The following COL22A1 variants were observed in gnomAD, a reference collection of about 807,000 sequenced individuals.
The protein encoded by COL22A1 is collagen alpha-1(XXII) chain.
In COL22A1, 221 loss-of-function variants were observed where a neutral mutation model predicts 248.9. The ratio of observed to expected loss-of-function variants is 0.89; its 90% CI spans 0.80 to 0.99. COL22A1 has a LOEUF of 0.99. Among genes scored for constraint, COL22A1 ranks in the 50% least tolerant of loss-of-function variants. The pLI, the probability that COL22A1 is intolerant of heterozygous loss-of-function variation, is 0.00. For synonymous variants in COL22A1, 891 were observed against 793.4 expected, an observed-to-expected ratio of 1.12 and a Z score of -2.07; for missense variants, 2,240 against 2,179.0, an observed-to-expected ratio of 1.03 and a Z score of -0.56.
At chr8:138,906,525 A>C (rs1451816036) in intron 1 of COL22A1, among the ~76,000 whole-genome samples, 2 of 152,208 alleles carry the variant, frequency 1.3e-5, no homozygotes, top group African/African-American at 4.8e-5. Flanking sequence ...AATGAGTTGA[A>C]GTGTCTCAAC....
intron 49 of COL22A1, among the ~76,000 whole-genome samples, chr8:138,634,024 T>C (rs1473993019): frequency 6.6e-6 from 1 of 152,192 alleles, no homozygotes; most frequent in Non-Finnish European, 1.5e-5. Flanking sequence ...TGTAGATAAT[T>C]TACCTTTTTG....
At position 138,721,940 on chromosome 8, in the gene COL22A1, C is replaced by A. The variant is rs182977021; in HGVS notation, c.2301+96G>T. ...ACTGAATCCTGATCGAAGACCCAGG[C>A]AATTGACTTGTTGTAGAATTCACCA... is the stretch of plus-strand genomic sequence containing the variant. On this transcript the variant is annotated intron_variant, in intron 26 of 64. Coordinates refer to ENST00000303045, the MANE Select transcript of COL22A1 (RefSeq NM_152888.3). 593 of 954,066 alleles carry A rather than the reference C, an allele frequency of 6.2e-4. 11 individuals are homozygous for A. The East Asian group carries it at 0.01, about 17-fold the overall frequency. The allele number at this position is 954,066 out of a possible 1,614,324, so 59.1% of individuals were successfully genotyped here.
chr8:138,596,966 T>G lies in COL22A1; in HGVS notation c.4370A>C (p.Glu1457Ala). 1.2e-6 allele frequency: 2 copies of G among 1,613,242 alleles called. No homozygotes were observed. The highest frequency in any genetic ancestry group is 1.7e-6 in the Non-Finnish European group (2 of 1,179,466). ...ACGCAGGGTTTCCATGGATGGAGAC[T>G]CCCCCTAGGAGGGAGGGAAGGTGGA... Reference protein sequence around the residue: ...GQPGFPGLRGESPSMETLRRL... With the variant: ...GQPGFPGLRGASPSMETLRRL... Residue 1457 changes from glutamate to alanine, a missense_variant, in exon 62 of 65, where the codon GAG (glutamate) becomes GCG (alanine). Physicochemically the swap from Glu to Ala is moderately radical, Grantham distance 107. Coordinates refer to ENST00000303045, the MANE Select transcript of COL22A1 (RefSeq NM_152888.3).
chr8:138,676,929 T>C (rs1409548436), intron 40 of COL22A1, among the ~76,000 whole-genome samples: 2 of 152,220 alleles, frequency 1.3e-5, no homozygotes, highest in African/African-American at 4.8e-5. Context: ...ATGTGAGCAT[T>C]GTCCAAATCT....
At chr8:138,739,772 G>A (rs1353529242) in intron 22 of COL22A1, among the ~76,000 whole-genome samples, 1 of 152,198 alleles carries the variant, frequency 6.6e-6, no homozygotes, top group Non-Finnish European at 1.5e-5. Flanking sequence ...ATATCAGGGA[G>A]GAAGGGAAGA....
At chr8:138,748,130 C>T (rs551158947) in intron 22 of COL22A1, among the ~76,000 whole-genome samples, 3 of 152,290 alleles carry the variant, frequency 2.0e-5, no homozygotes, top group East Asian at 3.9e-4. Flanking sequence ...AACTCACTCA[C>T]TCCTGCAAGG....
intron 10 of COL22A1, among the ~76,000 whole-genome samples, chr8:138,805,933 T>G (rs60080804): frequency 1.4e-5 from 2 of 138,956 alleles, no homozygotes; most frequent in African/African-American, 5.9e-5. Flanking sequence ...GGTGTGTGAC[T>G]GTGTGTGTGA....
At chr8:138,716,911 T>G (rs771639692) in intron 27 of COL22A1, 42 bp from the exon 28 acceptor site, 7 of 1,452,448 alleles carry the variant, frequency 4.8e-6, no homozygotes, top group Non-Finnish European at 6.8e-6. Flanking sequence ...CTCCATTCAC[T>G]TTAAAGAGAT....
intron 28 of COL22A1, 80 bp from the exon 29 acceptor site, chr8:138,716,369 C>A: frequency 3.1e-6 from 3 of 959,374 alleles, no homozygotes; most frequent in South Asian, 3.1e-5. Context: ...GCTCTCAGTT[C>A]CTGCTCTCCA....
intron 1 of COL22A1, among the ~76,000 whole-genome samples, chr8:138,909,810 C>T (rs1163570901): frequency 6.6e-6 from 1 of 152,170 alleles, no homozygotes; most frequent in African/African-American, 2.4e-5. Context: ...CCAGGACTTC[C>T]CTTTGCTTGT....
At chr8:138,630,492 T>G (rs1435866234) in intron 50 of COL22A1, among the ~76,000 whole-genome samples, 12 of 152,162 alleles carry the variant, frequency 7.9e-5, no homozygotes, top group Admixed American at 7.9e-4. Flanking sequence ...CAACCAAACC[T>G]TTACTTTAGC....
intron 40 of COL22A1, 24 bp downstream of exon 40, chr8:138,679,593 A>G: frequency 1.2e-6 from 2 of 1,609,472 alleles, no homozygotes; most frequent in Non-Finnish European, 1.7e-6. Flanking sequence ...CTTTTTGCAA[A>G]TGTTTGCATA....
rs146348622 is a variant in COL22A1 at position 138,653,373 on chromosome 8, G to A, written c.3333+2524C>T. 2.1e-3 allele frequency among the ~76,000 whole-genome samples: 320 copies of A among 152,222 alleles called. 1 individual carries two copies. Among genetic ancestry groups the A allele is most frequent in the African/African-American group, 6.5e-3 (270 of 41,544 alleles). ...GTTCTGGCTCACGTAAAGATGAATC[G>A]GATAGTAGAGAGGCTACGCGTAAGG... On this transcript the variant is annotated intron_variant, in intron 45 of 64. Transcript: ENST00000303045.
chr8:138,684,959 G>A (rs1480448314), intron 38 of COL22A1, among the ~76,000 whole-genome samples: 3 of 152,166 alleles, frequency 2.0e-5, no homozygotes, highest in Non-Finnish European at 4.4e-5. Context: ...GTCTCTCCAT[G>A]AGATGGGAGC....
At chr8:138,832,952 G>A (rs1820163152) in intron 5 of COL22A1, 87 bp downstream of exon 5, 2 of 871,460 alleles carry the variant, frequency 2.3e-6, no homozygotes, top group Admixed American at 1.9e-5. Flanking sequence ...CCGGCTCGGT[G>A]CCAAGTATGA....
chr8:138,733,959 C>G lies in COL22A1; in HGVS notation c.2139+3565G>C, dbSNP rs886088830. ...CCCTAAATCACCCCTGGACCAGGTA[C>G]TAGACCGTGAGAAACCACCTGTACA... On this transcript the variant is annotated intron_variant, in intron 23 of 64. Coordinates refer to ENST00000303045, the MANE Select transcript of COL22A1 (RefSeq NM_152888.3). Among the ~76,000 whole-genome samples the G allele has an allele frequency of 1.8e-4, 27 of 152,144 alleles. 1 individual carries two copies. Among genetic ancestry groups the G allele is most frequent in the African/African-American group, 6.5e-4 (27 of 41,422 alleles).
In COL22A1 at chr8:138,841,197, A is replaced by C. The variant is rs183623974; in HGVS notation, c.733+2887T>G. Among the ~76,000 whole-genome samples, 13 of 152,220 alleles carry C rather than the reference A, an allele frequency of 8.5e-5. 1 individual carries two copies. Among genetic ancestry groups the C allele is most frequent in the Admixed American group, 7.8e-4 (12 of 15,288 alleles). ...AATTCATTCATATATCCATCCATTC[A>C]TTTCACAAACATTTGTCACATTCCT... On this transcript the variant is annotated intron_variant, in intron 4 of 64. Transcript: ENST00000303045.
chr8:138,755,053 T>G lies in COL22A1; in HGVS notation c.2031+104A>C, dbSNP rs115678760. On this transcript the variant is annotated intron_variant, in intron 21 of 64. Transcript: ENST00000303045. ...ACCCACTCAGGTGATGTGAAGGCGC[T>G]TGAGATAATGCCATGCTCAGCGCCG... is the stretch of plus-strand genomic sequence containing the variant. The G allele has an allele frequency of 3.1e-3, 3,656 of 1,194,228 alleles. 46 individuals are homozygous for G. The highest frequency in any genetic ancestry group is 0.021 in the South Asian group (1,597 of 77,520). 74.0% of individuals were successfully genotyped at this position (1,194,228 alleles called of 1,614,324 possible).
intron 12 of COL22A1, among the ~76,000 whole-genome samples, chr8:138,783,862 C>A (rs1815268399): frequency 6.6e-6 from 1 of 152,172 alleles, no homozygotes; most frequent in South Asian, 2.1e-4. Flanking sequence ...CTTACTCATG[C>A]CCTTGTTGAT....
Sources: gnomAD v4.1 joint callset for allele counts (sites outside exome capture counted in the v4.1 genomes callset) on GRCh38, gnomAD v4.1.1 for gene constraint, MANE v1.5 for transcripts, NCBI Gene and HGNC (gene_info 2026-07-23, HGNC 2026-07-21) for gene names.